The following EFCAB6 variants were observed in gnomAD, a reference collection of about 807,000 sequenced individuals.
EFCAB6 encodes the protein EF-hand calcium-binding domain-containing protein 6.
In EFCAB6, 156 loss-of-function variants were observed where a neutral mutation model predicts 169.8. That is an observed-to-expected ratio of 0.92 (90% CI 0.81 to 1.05). The LOEUF (loss-of-function observed/expected upper bound fraction) is 1.05, where lower values mean the gene tolerates loss of function less well. Among genes scored for constraint, EFCAB6 ranks in the 50% least tolerant of loss-of-function variants. The pLI, the probability that EFCAB6 is intolerant of heterozygous loss-of-function variation, is 0.00. For synonymous variants in EFCAB6, 698 were observed against 676.4 expected (o/e 1.03, Z -0.50); for missense variants, 1,800 against 1,829.1 (o/e 0.98, Z 0.29).
At chr22:43,614,736 G>A (rs1411510045) in intron 21 of EFCAB6, among the ~76,000 whole-genome samples, 1 of 152,220 alleles carries the variant, frequency 6.6e-6, no homozygotes, top group Non-Finnish European at 1.5e-5. Context: ...AATACAGACA[G>A]TTGACTCTAT....
At chr22:43,695,895 T>C (rs2147223851) in intron 10 of EFCAB6, among the ~76,000 whole-genome samples, 1 of 152,082 alleles carries the variant, frequency 6.6e-6, no homozygotes. Context: ...ATCTTTGTGA[T>C]ACTAGGTTAG....
intron 24 of EFCAB6, among the ~76,000 whole-genome samples, chr22:43,587,445 G>A (rs1005008316): frequency 6.6e-6 from 1 of 152,182 alleles, no homozygotes; most frequent in African/African-American, 2.4e-5. Flanking sequence ...GTTCCCTGTT[G>A]TTGGCAGGAC....
chr22:43,732,374 T>A (rs542147275), intron 7 of EFCAB6, among the ~76,000 whole-genome samples: 1 of 152,194 alleles, frequency 6.6e-6, no homozygotes, highest in African/African-American at 2.4e-5. Context: ...GAGGCAAAGT[T>A]TCTCTTGAAG....
At chr22:43,540,974 A>G (rs2047681237) in intron 27 of EFCAB6, among the ~76,000 whole-genome samples, 1 of 126,954 alleles carries the variant, frequency 7.9e-6, no homozygotes, top group African/African-American at 3.1e-5. Context: ...AAGATAGAAA[A>G]AAAAATGAAT....
intron 23 of EFCAB6, among the ~76,000 whole-genome samples, chr22:43,596,831 C>A (rs1376522484): frequency 1.3e-5 from 2 of 152,120 alleles, no homozygotes; most frequent in African/African-American, 2.4e-5. Context: ...AGAGGCATCA[C>A]GCTACCTGAT....
At chr22:43,785,432 A>G (rs5764296) in intron 2 of EFCAB6, among the ~76,000 whole-genome samples, 49,005 of 152,066 alleles carry the variant, frequency 0.32, 9,454 homozygotes, top group East Asian at 0.81. Flanking sequence ...AAAAAAATCA[A>G]AAGAGAAATT....
At position 43,547,858 on chromosome 22, in the gene EFCAB6, G is replaced by A. The variant is rs368036212; in HGVS notation, c.3648+7011C>T. Among the ~76,000 whole-genome samples the A allele has an allele frequency of 6.8e-4, 104 of 152,290 alleles. 2 individuals carry two copies. In the South Asian group the frequency reaches 0.021, roughly 31 times the overall value. ...TGTAATCCCAGCACTTTGGGAGGCCGAGGCGGGTAGATCACGAGGTCAGGA... is the reference window on the plus strand; with the variant it reads ...TGTAATCCCAGCACTTTGGGAGGCCAAGGCGGGTAGATCACGAGGTCAGGA... On this transcript the variant is annotated intron_variant, in intron 27 of 31. Coordinates refer to ENST00000262726, the MANE Select transcript of EFCAB6 (RefSeq NM_022785.4).
rs569525492 is a variant in EFCAB6 at position 43,664,876 on chromosome 22, G to A, written c.1983+2228C>T. ...GGGTCGCTCTGGCTGCTGGGTTGACGATGAACTGTGGCATGGCCAGGGTGG... is the reference window on the plus strand; with the variant it reads ...GGGTCGCTCTGGCTGCTGGGTTGACAATGAACTGTGGCATGGCCAGGGTGG... On this transcript the variant is annotated intron_variant, in intron 17 of 31. Transcript: ENST00000262726. Among the ~76,000 whole-genome samples the A allele has an allele frequency of 4.5e-4, 68 of 152,242 alleles. 2 individuals are homozygous for A. The highest frequency in any genetic ancestry group is 2.2e-3 in the Admixed American group (33 of 15,306).
chr22:43,569,809 C>T (rs759110295), intron 26 of EFCAB6, among the ~76,000 whole-genome samples: 1 of 152,166 alleles, frequency 6.6e-6, no homozygotes, highest in Non-Finnish European at 1.5e-5. Flanking sequence ...TAGTTAAAAT[C>T]GCTGAAATTA....
chr22:43,748,436 T>C (rs546785731), intron 6 of EFCAB6, among the ~76,000 whole-genome samples: 1 of 152,280 alleles, frequency 6.6e-6, no homozygotes, highest in African/African-American at 2.4e-5. Flanking sequence ...GTCCTTTTCT[T>C]AGGCCAGGTT....
At chr22:43,720,134 C>T (rs1490062259) in intron 8 of EFCAB6, among the ~76,000 whole-genome samples, 3 of 150,552 alleles carry the variant, frequency 2.0e-5, no homozygotes, top group African/African-American at 7.4e-5. Flanking sequence ...TAAATACACA[C>T]AATTTTAACT....
chr22:43,639,889 C>T (rs1569299206), intron 17 of EFCAB6, among the ~76,000 whole-genome samples: 1 of 152,096 alleles, frequency 6.6e-6, no homozygotes, highest in African/African-American at 2.4e-5. Flanking sequence ...AATCTATCCT[C>T]GGGCTCATTG....
rs2047459235 is a variant in EFCAB6, at chr22:43,537,623, A to C, written c.3880-78T>G. 6 of 1,453,676 alleles carry C rather than the reference A, an allele frequency of 4.1e-6. No individual in the cohort carries two copies. Among genetic ancestry groups the C allele is most frequent in the Non-Finnish European group, 5.5e-6 (6 of 1,088,160 alleles). 90.0% of individuals were successfully genotyped at this position (1,453,676 alleles called of 1,614,324 possible). ...TCATCAAAAATACCTCAATACCTCC[A>C]GTTTTGAGGTTCACAATTTTAGAGG... On this transcript the variant is annotated intron_variant, in intron 28 of 31. Coordinates refer to ENST00000262726, the MANE Select transcript of EFCAB6 (RefSeq NM_022785.4). This position sits in a 1 kb window ranked among gnomAD's most constrained non-coding sequence, Gnocchi z 4.3.
At chr22:43,767,800 T>C (rs1232942789) in intron 4 of EFCAB6, among the ~76,000 whole-genome samples, 1 of 125,548 alleles carries the variant, frequency 8.0e-6, no homozygotes, top group African/African-American at 3.1e-5. Flanking sequence ...CAAATTCTAA[T>C]GTGGTAAAGA....
intron 12 of EFCAB6, among the ~76,000 whole-genome samples, chr22:43,678,644 A>G (rs1384956922): frequency 6.6e-6 from 1 of 152,202 alleles, no homozygotes; most frequent in Non-Finnish European, 1.5e-5. Context: ...CATTACATAA[A>G]TGGACAACTA....
At chr22:43,718,063 CCCAT>C (rs71188406) in intron 8 of EFCAB6, among the ~76,000 whole-genome samples, 2 of 132,008 alleles carry the variant, frequency 1.5e-5, no homozygotes, top group African/African-American at 5.0e-5. Context: ...CATCCATCCA[CCCAT>C]CCATCCATCC....
At chr22:43,688,143 C>T (rs866536655) in intron 10 of EFCAB6, among the ~76,000 whole-genome samples, 4 of 152,116 alleles carry the variant, frequency 2.6e-5, no homozygotes, top group Admixed American at 6.6e-5. Flanking sequence ...AGAAGTGTGA[C>T]GCTGGTGGCT....
At position 43,612,301 on chromosome 22, in the gene EFCAB6, A is replaced by G. The variant is rs560063914; in HGVS notation, c.2562+3525T>C. On this transcript the variant is annotated intron_variant, in intron 21 of 31. Transcript: ENST00000262726. ...TCATGACGAAAGAAAAAATTGACAA[A>G]TGGGATCTAATTAGATTTGACAGCT... is the stretch of plus-strand genomic sequence containing the variant. Among the ~76,000 whole-genome samples the G allele has an allele frequency of 1.0e-3, 158 of 152,334 alleles. 1 individual carries two copies. Among genetic ancestry groups the G allele is most frequent in the African/African-American group, 3.6e-3 (150 of 41,580 alleles).
chr22:43,659,830 A>T (rs1445352984), intron 17 of EFCAB6, among the ~76,000 whole-genome samples: 2 of 152,206 alleles, frequency 1.3e-5, no homozygotes, highest in Non-Finnish European at 2.9e-5. Context: ...AAAGGGAGGA[A>T]GTGCTCTGCA....
Sources: allele counts gnomAD v4.1 joint callset (sites outside exome capture counted in the v4.1 genomes callset), GRCh38; gene constraint gnomAD v4.1.1; non-coding constraint Gnocchi (gnomAD v3.1); transcripts MANE v1.5; gene names NCBI Gene and HGNC (gene_info 2026-07-23, HGNC 2026-07-21).